Variants in SNAP47 observed in about 807,000 individuals in gnomAD.
The protein encoded by SNAP47 is synaptosome associated protein 47.
Under a neutral mutation model 31.4 loss-of-function variants are expected in SNAP47, and 20 were observed. The ratio of observed to expected loss-of-function variants is 0.64; its 90% confidence interval spans 0.45 to 0.93. SNAP47 has a LOEUF of 0.93. Among genes scored for constraint, SNAP47 ranks in the 40% least tolerant of loss-of-function variants. The pLI is 0.00. For missense variants in SNAP47, 492 were observed against 528.5 expected (o/e 0.93, Z 0.68); for synonymous variants, 194 against 213.4 (o/e 0.91, Z 0.79).
At position 227,763,090 on chromosome 1, in the gene SNAP47, G is replaced by A. The variant is rs1024587166; in HGVS notation, c.988+3605G>A. On this transcript the variant is annotated intron_variant, in intron 3 of 4. Transcript: ENST00000617596. The surrounding 1 kb of genome is among the most constrained non-coding windows in gnomAD (Gnocchi z 4.2). ...TCCTGCCTTGGCCTCTCAAGTAGCT[G>A]GGACTATAGGCACATATCACCATGC... is the stretch of plus-strand genomic sequence containing the variant. Among the ~76,000 whole-genome samples, 5 of 151,942 alleles carry A rather than the reference G, an allele frequency of 3.3e-5. No individual in the cohort carries two copies. Among genetic ancestry groups the A allele is most frequent in the Non-Finnish European group, 1.5e-5 (1 of 67,982 alleles).
Position 227,767,199 on chromosome 1 carries a change from G to A in SNAP47, c.1113+116G>A, listed in dbSNP as rs954204745. The A allele has an allele frequency of 1.6e-5, 23 of 1,444,022 alleles. No individual in the cohort carries two copies. The Admixed American group carries it at 3.0e-4, about 19-fold the overall frequency. The allele number at this position is 1,444,022 out of a possible 1,614,324, so 89.5% of individuals were successfully genotyped here. ...TGGGTCATCCATCCGTATTGGCCTC[G>A]CACCAAGGAGGAGCTGCTGGCCTCC... is the stretch of plus-strand genomic sequence containing the variant. On this transcript the variant is annotated intron_variant, in intron 4 of 4. Transcript: ENST00000617596.
At chr1:227,755,789 A>G (rs181873709) in intron 2 of SNAP47, among the ~76,000 whole-genome samples, 51 of 151,520 alleles carry the variant, frequency 3.4e-4, no homozygotes, top group Non-Finnish European at 5.9e-4. Context: ...GAATGCACCC[A>G]CAGGCACTGG....
chr1:227,762,985 C>T lies in SNAP47; in HGVS notation c.988+3500C>T, dbSNP rs570330363. On this transcript the variant is annotated intron_variant, in intron 3 of 4. Transcript: ENST00000617596. This position sits in a 1 kb window ranked among gnomAD's most constrained non-coding sequence, Gnocchi z 4.2. ...TATTTTTTTCTTTTAGAGACAGGGC[C>T]TTGCCCTGTCATCCAGGCTGGAGTG... 2.4e-4 allele frequency among the ~76,000 whole-genome samples: 36 copies of T among 152,276 alleles called. No individual in the cohort carries two copies. The highest frequency in any genetic ancestry group is 4.6e-4 in the Admixed American group (7 of 15,304).
upstream of SNAP47, chr1:227,734,329 A>C (rs574673897): frequency 4.6e-5 from 17 of 367,484 alleles, no homozygotes; most frequent in Non-Finnish European, 7.6e-5. Context: ...CAGCCTGGGC[A>C]ACATGGTGAA....
upstream of SNAP47, chr1:227,735,274 C>T (rs201397186): frequency 2.1e-4 from 344 of 1,606,786 alleles, no homozygotes; most frequent in Non-Finnish European, 2.7e-4. Flanking sequence ...CGCGGTCCAT[C>T]CAGCTCAGCA....
chr1:227,757,022 C>T (rs1043859997), intron 2 of SNAP47, among the ~76,000 whole-genome samples: 8 of 152,176 alleles, frequency 5.3e-5, no homozygotes, highest in African/African-American at 1.4e-4. Context: ...AGATGAGGGA[C>T]GTCTCAGATG....
intron 2 of SNAP47, among the ~76,000 whole-genome samples, chr1:227,752,340 T>C (rs1186988425): frequency 1.3e-5 from 2 of 152,172 alleles, no homozygotes; most frequent in African/African-American, 4.8e-5. Flanking sequence ...GCAGCTACCA[T>C]GTCATTACTG....
upstream of SNAP47, chr1:227,734,208 G>C: frequency 1.5e-6 from 1 of 681,388 alleles, no homozygotes; most frequent in Non-Finnish European, 2.4e-6. Flanking sequence ...GAGGGGGCGG[G>C]GCAGTCTGAC....
chr1:227,732,992 A>G, upstream of SNAP47: 1 of 1,613,540 alleles, frequency 6.2e-7, no homozygotes, highest in Non-Finnish European at 8.5e-7. Flanking sequence ...GGTTGAAGCC[A>G]TTGACCCAGT....
chr1:227,746,904 C>T (rs1558194253), intron 1 of SNAP47: 1 of 152,186 alleles, frequency 6.6e-6, no homozygotes, highest in Non-Finnish European at 1.5e-5. Context: ...ACAAGGCCCT[C>T]TTGTTTTCTT....
At chr1:227,739,925 G>T (rs1322565416) in intron 1 of SNAP47, among the ~76,000 whole-genome samples, 2 of 152,256 alleles carry the variant, frequency 1.3e-5, no homozygotes, top group Non-Finnish European at 1.5e-5. Flanking sequence ...CACCGTGAGG[G>T]CTCCAGGACC....
At chr1:227,775,992 A>G (rs1664137643) in intron 4 of SNAP47, 3 of 1,250,012 alleles carry the variant, frequency 2.4e-6, no homozygotes, top group South Asian at 2.6e-5. Flanking sequence ...TGTTGGAGGA[A>G]AGTGGCTTTG....
upstream of SNAP47, chr1:227,731,524 G>A (rs2102856223): frequency 6.6e-6 from 1 of 152,366 alleles, no homozygotes; most frequent in East Asian, 1.9e-4. Context: ...ATCCACTAGA[G>A]GGTTCAGGCC....
upstream of SNAP47, among the ~76,000 whole-genome samples, chr1:227,728,351 G>C (rs377547220): frequency 1.8e-3 from 269 of 152,278 alleles, 2 homozygotes; most frequent in Non-Finnish European, 3.0e-3. Context: ...ACCGGAGCGG[G>C]GGGGGCGGGC....
Position 227,768,249 on chromosome 1 carries a change from T to G in SNAP47, c.1113+1166T>G, listed in dbSNP as rs962415479. On this transcript the variant is annotated intron_variant, in intron 4 of 4. Transcript: ENST00000617596. ...GCTTCCGTCTCGTCTTCCCCTACAGTTGATTCCTGGAAAAAGCAAAGCTGT... is the reference window on the plus strand; with the variant it reads ...GCTTCCGTCTCGTCTTCCCCTACAGGTGATTCCTGGAAAAAGCAAAGCTGT... 8.1e-6 allele frequency: 8 copies of G among 984,968 alleles called. No homozygotes were observed. The African/African-American group carries it at 1.4e-4, about 17-fold the overall frequency. The allele number at this position is 984,968 out of a possible 1,614,324, so 61.0% of individuals were successfully genotyped here. A position where few individuals can be genotyped will look rare whatever the true frequency, so the allele number is the denominator to read the frequency against.
intron 4 of SNAP47, among the ~76,000 whole-genome samples, chr1:227,778,707 A>G (rs541884354): frequency 4.8e-4 from 73 of 152,292 alleles, no homozygotes; most frequent in African/African-American, 1.7e-3. Context: ...TCACAGCACA[A>G]TTTGGGTGTG....
At chr1:227,735,712 A>C (rs1052174458) in intron 1 of SNAP47, 213 of 984,086 alleles carry the variant, frequency 2.2e-4, no homozygotes, top group Non-Finnish European at 2.5e-4. Flanking sequence ...CCCAGGGATG[A>C]TGGGACCCGG....
intron 2 of SNAP47, among the ~76,000 whole-genome samples, chr1:227,755,559 G>C (rs576477415): frequency 7.2e-5 from 11 of 152,090 alleles, no homozygotes; most frequent in African/African-American, 2.6e-4. Context: ...GCTAATTTTT[G>C]AATTTTTAAT....
rs369932274 is a variant in SNAP47 at position 227,741,268 on chromosome 1, G to A, written c.-46+5769G>A. 9.7e-4 allele frequency among the ~76,000 whole-genome samples: 148 copies of A among 152,246 alleles called. No individual in the cohort carries two copies. Among genetic ancestry groups the A allele is most frequent in the African/African-American group, 3.5e-3 (144 of 41,516 alleles). On this transcript the variant is annotated intron_variant, in intron 1 of 4. Coordinates refer to ENST00000617596, the MANE Select transcript of SNAP47 (RefSeq NM_053052.4). The surrounding 1 kb of genome is among the most constrained non-coding windows in gnomAD (Gnocchi z 4.2). ...GTTGTCTCACCTGGAAAAAGAGGGT[G>A]CAAGGAGGAGAGGTTGTGCCCTGTG... is the stretch of plus-strand genomic sequence containing the variant.
Sources: gnomAD v4.1 joint callset for allele counts (sites outside exome capture counted in the v4.1 genomes callset) on GRCh38, gnomAD v4.1.1 for gene constraint, Gnocchi (gnomAD v3.1) non-coding constraint, MANE v1.5 for transcripts, NCBI Gene and HGNC (gene_info 2026-07-23, HGNC 2026-07-21) for gene names.